LONP2: variants seen among roughly 807,000 people sequenced by gnomAD.
LONP2 encodes lon protease homolog 2, peroxisomal.
Under a neutral mutation model 85.6 loss-of-function variants are expected in LONP2, and 60 were observed. The ratio of observed to expected loss-of-function variants is 0.70; its 90% confidence interval spans 0.57 to 0.87. The LOEUF is 0.87. Ranked by LOEUF, LONP2 falls within the 40% of genes least tolerant of loss-of-function variation. The pLI is 0.00. For synonymous variants in LONP2, 395 were observed against 389.7 expected (o/e 1.01, Z -0.16); for missense variants, 860 against 1,063.5 (o/e 0.81, Z 2.66).
At chr16:48,350,459 G>A (rs8055764) in intron 14 of LONP2, among the ~76,000 whole-genome samples, 30,377 of 151,890 alleles carry the variant, frequency 0.2, 3,711 homozygotes, top group African/African-American at 0.33. Context: ...CATGGCCTTA[G>A]TATCAATCAA....
intron 8 of LONP2, among the ~76,000 whole-genome samples, chr16:48,277,688 T>G (rs147618958): frequency 6.6e-6 from 1 of 152,264 alleles, no homozygotes; most frequent in East Asian, 1.9e-4. Flanking sequence ...ATTTTCCTTT[T>G]GTATTTTAAT....
chr16:48,334,070 T>G, intron 11 of LONP2, 146 bp from the exon 12 acceptor site: 1 of 682,488 alleles, frequency 1.5e-6, no homozygotes. Flanking sequence ...ATTCCACAGA[T>G]ACACAGGTGA....
chr16:48,344,128 GA>G (rs2151030882), intron 12 of LONP2: 1 of 152,318 alleles, frequency 6.6e-6, no homozygotes, highest in East Asian at 1.9e-4. Context: ...AAGATGGCTG[GA>G]AAACTGTCTC....
intron 14 of LONP2, among the ~76,000 whole-genome samples, chr16:48,349,204 AT>A (rs34443149): frequency 0.32 from 48,494 of 151,652 alleles, 9,703 homozygotes; most frequent in African/African-American, 0.55. Context: ...CTAGACTACA[AT>A]TTTAGTCCAC....
chr16:48,312,371 T>C (rs1268265606), intron 11 of LONP2, among the ~76,000 whole-genome samples: 2 of 152,176 alleles, frequency 1.3e-5, no homozygotes, highest in Non-Finnish European at 2.9e-5. Context: ...CTTTTTTTTT[T>C]CATATTTCCA....
rs1322779567 is a variant in LONP2 at position 48,292,642 on chromosome 16, A to G, written c.1384-3373A>G. Among the ~76,000 whole-genome samples, 4 of 152,246 alleles carry G rather than the reference A, an allele frequency of 2.6e-5. No individual in the cohort carries two copies. The South Asian group carries it at 6.2e-4, about 24-fold the overall frequency. On this transcript the variant is annotated intron_variant, in intron 8 of 14. Transcript: ENST00000285737. ...GCCTAACTAGCTGTGTAAACACACTATTCTTAACACCAATCACAGATTTTC... is the reference window on the plus strand; with the variant it reads ...GCCTAACTAGCTGTGTAAACACACTGTTCTTAACACCAATCACAGATTTTC...
chr16:48,347,626 C>A lies in LONP2; in HGVS notation c.2058C>A (p.Thr686=). The change falls in exon 13 of 15, where the codon ACC becomes ACA. Residue 686 remains threonine (T), a synonymous_variant. Coordinates refer to ENST00000285737, the MANE Select transcript of LONP2 (RefSeq NM_031490.5). ...ATGGCGAGGGCCAGTTAACTCTGAC[C>A]GGCCAGCTCGGGGACGTGATGAAGG... The part of the protein sequence containing the change: ...RMDGEGQLTL[T]GQLGDVMKES... 1 of 1,614,190 alleles carries A rather than the reference C, an allele frequency of 6.2e-7. No individual in the cohort carries two copies. The highest frequency in any genetic ancestry group is 1.7e-5 in the Admixed American group (1 of 60,018).
At chr16:48,293,614 G>A (rs9938003) in intron 8 of LONP2, among the ~76,000 whole-genome samples, 31,503 of 152,002 alleles carry the variant, frequency 0.21, 4,020 homozygotes, top group African/African-American at 0.35. Context: ...CTAAGAGGAA[G>A]AATTGGGGTT....
chr16:48,295,558 A>C (rs964983727), intron 8 of LONP2, among the ~76,000 whole-genome samples: 1 of 152,120 alleles, frequency 6.6e-6, no homozygotes, highest in African/African-American at 2.4e-5. Context: ...TTTATACCAG[A>C]CTTTCTGAAA....
intron 1 of LONP2, chr16:48,247,574 G>A (rs1320675685): frequency 1.4e-5 from 2 of 143,472 alleles, no homozygotes; most frequent in East Asian, 2.1e-4. Context: ...TTTAAAGGAG[G>A]AGCTTTGGAC....
At chr16:48,279,255 A>G (rs1972276086) in intron 8 of LONP2, among the ~76,000 whole-genome samples, 2 of 152,104 alleles carry the variant, frequency 1.3e-5, no homozygotes, top group African/African-American at 4.8e-5. Flanking sequence ...GTTTATATTT[A>G]ATAGTAAGGG....
At chr16:48,303,493 C>T (rs913477677) in intron 11 of LONP2, among the ~76,000 whole-genome samples, 188 bp downstream of exon 11, 1 of 152,122 alleles carries the variant, frequency 6.6e-6, no homozygotes, top group African/African-American at 2.4e-5. Flanking sequence ...TTGTCTTTTA[C>T]AAATAGCACA....
At chr16:48,289,466 G>C (rs534692418) in intron 8 of LONP2, among the ~76,000 whole-genome samples, 1 of 152,178 alleles carries the variant, frequency 6.6e-6, no homozygotes. Flanking sequence ...GGGCAATCAG[G>C]TTTACCTCAG....
chr16:48,327,480 T>A (rs1316269858), intron 11 of LONP2, among the ~76,000 whole-genome samples: 2 of 152,164 alleles, frequency 1.3e-5, no homozygotes, highest in African/African-American at 4.8e-5. Context: ...TTTTTTGGGA[T>A]GGAATCTCAC....
chr16:48,312,127 G>C (rs1281570001), intron 11 of LONP2, among the ~76,000 whole-genome samples: 3 of 151,794 alleles, frequency 2.0e-5, no homozygotes, highest in African/African-American at 7.3e-5. Context: ...TTTTTTAGTA[G>C]AGATGCGGTT....
At chr16:48,288,263 C>T (rs923427653) in intron 8 of LONP2, among the ~76,000 whole-genome samples, 4 of 150,442 alleles carry the variant, frequency 2.7e-5, no homozygotes, top group African/African-American at 9.8e-5. Context: ...AAGCGATTCT[C>T]CTGCCTCAGT....
intron 2 of LONP2, among the ~76,000 whole-genome samples, chr16:48,253,046 A>T (rs1297821622): frequency 6.6e-6 from 1 of 152,212 alleles, no homozygotes; most frequent in Non-Finnish European, 1.5e-5. Context: ...TAATGTTTAA[A>T]AGTCACAATT....
At chr16:48,359,413 T>C (rs1410755958), downstream of LONP2, among the ~76,000 whole-genome samples, 38 of 152,242 alleles carry the variant, frequency 2.5e-4, no homozygotes. Flanking sequence ...TGAACTGTTG[T>C]TCTCTTTCAC....
At chr16:48,350,717 G>A (rs562632240) in intron 14 of LONP2, among the ~76,000 whole-genome samples, 2 of 152,314 alleles carry the variant, frequency 1.3e-5, no homozygotes, top group African/African-American at 4.8e-5. Context: ...GCTGAGCTGG[G>A]TTCTTGTGGC....
Sources: gnomAD v4.1 joint callset for allele counts (sites outside exome capture counted in the v4.1 genomes callset) on GRCh38, gnomAD v4.1.1 for gene constraint, MANE v1.5 for transcripts, NCBI Gene and HGNC (gene_info 2026-07-23, HGNC 2026-07-21) for gene names.